The following PLXNA2 variants were observed in gnomAD, a reference collection of about 807,000 sequenced individuals.
PLXNA2 encodes plexin A2.
A neutral mutation model predicts 193.5 loss-of-function variants in PLXNA2; 91 were observed. The observed-to-expected ratio is 0.47, with a 90% confidence interval of 0.40 to 0.56. The LOEUF (loss-of-function observed/expected upper bound fraction) is 0.56. PLXNA2 is among the 20% of genes least tolerant of loss of function. The pLI is 0.00. For missense variants in PLXNA2, 1,995 were observed against 2,503.2 expected (o/e 0.80, Z 4.33); for synonymous variants, 997 against 1,027.3 (o/e 0.97, Z 0.56).
At chr1:208,062,723 G>C (rs187854899) in intron 12 of PLXNA2, among the ~76,000 whole-genome samples, 1 of 152,218 alleles carries the variant, frequency 6.6e-6, no homozygotes, top group African/African-American at 2.4e-5. Flanking sequence ...GGGCTCAGAG[G>C]TGTCTCTGTA....
rs768905949 is a variant in PLXNA2, at chr1:208,031,598, T to C, written c.5217A>G (p.Lys1739=). The change falls in exon 29 of 32, where the codon AAA becomes AAG. Residue 1739 remains lysine (K), a synonymous_variant. Transcript: ENST00000367033. ...GCTCCCCGAGGGTTTACCAGTTGCT[T>C]TTCCAGGTGTGCCGCACATCTGTGT... is the stretch of plus-strand genomic sequence containing the variant. ...IHDTDVRHTW[K]SNCLPLRFWV... 2 of 1,614,000 alleles carry C rather than the reference T, an allele frequency of 1.2e-6. No homozygotes were observed. Among genetic ancestry groups the C allele is most frequent in the Admixed American group, 3.3e-5 (2 of 59,994 alleles).
intron 10 of PLXNA2, among the ~76,000 whole-genome samples, chr1:208,083,110 C>T (rs1032502679): frequency 8.5e-5 from 13 of 152,172 alleles, no homozygotes; most frequent in Admixed American, 3.3e-4. Flanking sequence ...CCAACCCCTG[C>T]GGTGGCCCTC....
At chr1:208,199,616 G>A (rs1436466074) in intron 3 of PLXNA2, among the ~76,000 whole-genome samples, 2 of 151,790 alleles carry the variant, frequency 1.3e-5, no homozygotes, top group African/African-American at 4.8e-5. Flanking sequence ...GCTTGAACTA[G>A]GGAGTTGGAG....
chr1:208,133,570 A>T (rs1246622298), intron 4 of PLXNA2, among the ~76,000 whole-genome samples: 2 of 152,274 alleles, frequency 1.3e-5, no homozygotes, highest in Non-Finnish European at 2.9e-5. Flanking sequence ...ATACATGGTC[A>T]ACACTTAATG....
At position 208,082,017 on chromosome 1, in the gene PLXNA2, C is replaced by T. The variant is rs188200468; in HGVS notation, c.2395+395G>A. Among the ~76,000 whole-genome samples the T allele has an allele frequency of 5.3e-5, 8 of 152,248 alleles. No individual in the cohort carries two copies. Among genetic ancestry groups the T allele is most frequent in the Admixed American group, 6.5e-5 (1 of 15,300 alleles). On this transcript the variant is annotated intron_variant, in intron 11 of 31. Transcript: ENST00000367033. This position sits in a 1 kb window ranked among gnomAD's most constrained non-coding sequence, Gnocchi z 4.2. The stretch of plus-strand genomic sequence containing the variant: ...AGGAACTGGAGAGCAGCCTTAAAAA[C>T]CCTCTTTGTGCAGTGATTGTGACCA...
At position 208,045,983 on chromosome 1, in the gene PLXNA2, T is replaced by C. The variant is rs1558163030; in HGVS notation, c.3390A>G (p.Leu1130=). 1 of 1,614,250 alleles carries C rather than the reference T, an allele frequency of 6.2e-7. No homozygotes were observed. The highest frequency in any genetic ancestry group is 2.2e-5 in the East Asian group (1 of 44,878). ...AGATAAACTTGGTGTCGTTGTAAAT[T>C]AGCAAGGATTGGACATTGTTAAAGA... ...GFVFNNVQSL[L]IYNDTKFIYY... The change falls in exon 18 of 32, where the codon CTA becomes CTG. Residue 1130 remains leucine (L), a synonymous_variant. Transcript: ENST00000367033.
intron 1 of PLXNA2, among the ~76,000 whole-genome samples, chr1:208,240,603 G>A (rs945754192): frequency 6.6e-6 from 1 of 152,088 alleles, no homozygotes; most frequent in African/African-American, 2.4e-5. Context: ...CCTGGGTGGG[G>A]CGGTGGTGAT....
In PLXNA2 at chr1:208,082,067, C is replaced by T. The variant is rs906025719; in HGVS notation, c.2395+345G>A. Among the ~76,000 whole-genome samples the T allele has an allele frequency of 2.6e-5, 4 of 152,172 alleles. No homozygotes were observed. Among genetic ancestry groups the T allele is most frequent in the Admixed American group, 6.6e-5 (1 of 15,264 alleles). On this transcript the variant is annotated intron_variant, in intron 11 of 31. Coordinates refer to ENST00000367033, the MANE Select transcript of PLXNA2 (RefSeq NM_025179.4). This position sits in a 1 kb window ranked among gnomAD's most constrained non-coding sequence, Gnocchi z 4.2. ...AGGGCCAAGGACAGGGGAACAAGAG[C>T]CTGACTGGAAACAATATCTCCATTT...
chr1:208,240,445 C>G (rs1255415825), intron 1 of PLXNA2, among the ~76,000 whole-genome samples: 2 of 152,214 alleles, frequency 1.3e-5, no homozygotes, highest in African/African-American at 4.8e-5. Flanking sequence ...CACACCCACC[C>G]CTCATTTACT....
At chr1:208,075,418 C>T (rs2102374897) in intron 12 of PLXNA2, among the ~76,000 whole-genome samples, 1 of 152,280 alleles carries the variant, frequency 6.6e-6, no homozygotes, top group East Asian at 1.9e-4. Context: ...CTTCTCAGAG[C>T]ATTCTATTGA....
chr1:208,195,548 C>T (rs1670329061), intron 3 of PLXNA2, among the ~76,000 whole-genome samples: 1 of 151,616 alleles, frequency 6.6e-6, no homozygotes, highest in Non-Finnish European at 1.5e-5. Context: ...TGGCCTGGGA[C>T]AGGCTGCCTA....
At chr1:208,139,656 C>T (rs1668407654) in intron 4 of PLXNA2, among the ~76,000 whole-genome samples, 1 of 152,180 alleles carries the variant, frequency 6.6e-6, no homozygotes, top group African/African-American at 2.4e-5. Flanking sequence ...AAAAGAGGAA[C>T]CAAAGCTGTC....
At chr1:208,096,464 C>G (rs1169739447) in intron 7 of PLXNA2, among the ~76,000 whole-genome samples, 1 of 152,156 alleles carries the variant, frequency 6.6e-6, no homozygotes, top group African/African-American at 2.4e-5. Flanking sequence ...TAAAAAACTA[C>G]TGATGGAAGC....
chr1:208,079,690 A>C (rs926820774), intron 11 of PLXNA2, among the ~76,000 whole-genome samples: 5 of 152,210 alleles, frequency 3.3e-5, no homozygotes, highest in Non-Finnish European at 7.3e-5. Context: ...GAATCAGATT[A>C]GGGCTTTAAT....
intron 3 of PLXNA2, among the ~76,000 whole-genome samples, chr1:208,171,859 G>A (rs1161629499): frequency 6.6e-6 from 1 of 151,854 alleles, no homozygotes; most frequent in Non-Finnish European, 1.5e-5. Context: ...GTATAAAAAG[G>A]AAGTTTTTTT....
intron 3 of PLXNA2, among the ~76,000 whole-genome samples, chr1:208,180,593 G>A (rs1669811022): frequency 6.6e-6 from 1 of 152,184 alleles, no homozygotes; most frequent in Non-Finnish European, 1.5e-5. Context: ...GCTTTATGTT[G>A]AATCCAAACA....
chr1:208,153,653 C>G (rs1157690363), intron 3 of PLXNA2, among the ~76,000 whole-genome samples: 1 of 152,166 alleles, frequency 6.6e-6, no homozygotes, highest in Non-Finnish European at 1.5e-5. Flanking sequence ...CTGGCTCAGA[C>G]AGGTGGAAAG....
chr1:208,079,510 C>A (rs1054034937), intron 11 of PLXNA2, 60 bp from the exon 12 acceptor site: 1 of 1,273,724 alleles, frequency 7.9e-7, no homozygotes, highest in African/African-American at 1.5e-5. Context: ...AATGCACCCT[C>A]CTCTTGCAGG....
rs1664508723 is a variant in PLXNA2, at chr1:208,031,688, G to A, written c.5127C>T (p.Leu1709=). Residue 1709 remains leucine (L), a synonymous_variant, in exon 29 of 32, where the codon CTC becomes CTT. Coordinates refer to ENST00000367033, the MANE Select transcript of PLXNA2 (RefSeq NM_025179.4). The stretch of plus-strand genomic sequence containing the variant: ...CAAACATGTACTTGATGGCCAGGGG[G>A]AGAGCGCTGCCCCGGTGCACAGTGC... ...LFSTVHRGSA[L]PLAIKYMFDF... The A allele has an allele frequency of 6.2e-7, 1 of 1,613,628 alleles. No homozygotes were observed. The highest frequency in any genetic ancestry group is 1.7e-5 in the Admixed American group (1 of 59,952).
Sources: gnomAD v4.1 joint callset for allele counts (sites outside exome capture counted in the v4.1 genomes callset) on GRCh38, gnomAD v4.1.1 for gene constraint, Gnocchi (gnomAD v3.1) non-coding constraint, MANE v1.5 for transcripts, NCBI Gene and HGNC (gene_info 2026-07-23, HGNC 2026-07-21) for gene names.